DNAH9: variants seen among roughly 807,000 people sequenced by gnomAD.
The protein encoded by DNAH9 is DNAH9 variant protein.
Under a neutral mutation model 471.6 loss-of-function variants are expected in DNAH9, and 345 were observed. That is an observed-to-expected ratio of 0.73 (90% confidence interval 0.67 to 0.80). The LOEUF (loss-of-function observed/expected upper bound fraction) is 0.80, where lower values mean the gene tolerates loss of function less well. Ranked by LOEUF, DNAH9 falls within the 30% of genes least tolerant of loss-of-function variation. The pLI is 0.00. For missense variants in DNAH9, 5,407 were observed against 5,609.2 expected (o/e 0.96, Z 1.15); for synonymous variants, 2,093 against 2,123.6 (o/e 0.99, Z 0.40).
chr17:11,930,106 G>A lies in DNAH9; in HGVS notation c.12105+13G>A, dbSNP rs751249418. 1.2e-5 allele frequency: 20 copies of A among 1,608,272 alleles called. No individual in the cohort carries two copies. The highest frequency in any genetic ancestry group is 1.7e-4 in the Middle Eastern group (1 of 6,052). On this transcript the variant is annotated intron_variant, in intron 63 of 68. Transcript: ENST00000262442. The stretch of plus-strand genomic sequence containing the variant: ...CAACTTCACTCAGGTACGGCCCCGG[G>A]AGGGAGGCAAAAACAGCAGCACACC...
Position 11,635,433 on chromosome 17 carries a change from G to A in DNAH9, c.1636-1201G>A, listed in dbSNP as rs561538043. Among the ~76,000 whole-genome samples the A allele has an allele frequency of 2.9e-4, 43 of 147,146 alleles. 1 individual carries two copies. In the Middle Eastern group the frequency reaches 0.022, roughly 77 times the overall value. On this transcript the variant is annotated intron_variant, in intron 8 of 68. Transcript: ENST00000262442. The stretch of plus-strand genomic sequence containing the variant: ...TGGCCTCAAGTGATGTGCCTGCCTC[G>A]TCCTTCCAAAGTACTGGGATTATAG...
intron 20 of DNAH9, among the ~76,000 whole-genome samples, chr17:11,692,565 A>G (rs974839068): frequency 1.3e-5 from 2 of 152,204 alleles, no homozygotes; most frequent in African/African-American, 4.8e-5. Flanking sequence ...TAGATCCACT[A>G]TCTACTTACG....
chr17:11,761,118 C>T (rs1408592819), intron 35 of DNAH9, among the ~76,000 whole-genome samples: 1 of 152,184 alleles, frequency 6.6e-6, no homozygotes, highest in East Asian at 1.9e-4. Context: ...TTCTCCTGAC[C>T]CTGCATGAGA....
chr17:11,731,777 A>G (rs1176997704), intron 28 of DNAH9, among the ~76,000 whole-genome samples: 2 of 151,844 alleles, frequency 1.3e-5, no homozygotes, highest in Non-Finnish European at 2.9e-5. Context: ...TATGTGCCAC[A>G]TTTTCTTAAT....
intron 52 of DNAH9, among the ~76,000 whole-genome samples, chr17:11,872,685 T>C (rs1052054802): frequency 2.0e-4 from 30 of 151,700 alleles, no homozygotes; most frequent in African/African-American, 7.3e-4. Flanking sequence ...CTTTGGGAGG[T>C]TGAGGCGGGC....
intron 59 of DNAH9, among the ~76,000 whole-genome samples, chr17:11,896,269 T>C (rs548868921): frequency 2.0e-5 from 3 of 152,262 alleles, no homozygotes; most frequent in East Asian, 1.9e-4. Flanking sequence ...GTATATATTT[T>C]ACTTTGGAGG....
rs997120827 is a variant in DNAH9 at position 11,687,527 on chromosome 17, C to G, written c.3744-2039C>G. ...CTTTTTCACTCCTTTTGTATTCTAC[C>G]TACCAACACGCAAACACATGCATGT... is the stretch of plus-strand genomic sequence containing the variant. On this transcript the variant is annotated intron_variant, in intron 19 of 68. Transcript: ENST00000262442. Among the ~76,000 whole-genome samples the G allele has an allele frequency of 3.9e-5, 6 of 152,222 alleles. No individual in the cohort carries two copies. In the South Asian group the frequency reaches 8.3e-4, roughly 21 times the overall value.
rs139504360 is a variant in DNAH9 at position 11,638,979 on chromosome 17, C to T, written c.1787-1291C>T. Among the ~76,000 whole-genome samples the T allele has an allele frequency of 9.4e-3, 1,433 of 152,286 alleles. 11 individuals carry two copies. Among genetic ancestry groups the T allele is most frequent in the Non-Finnish European group, 0.016 (1,089 of 68,024 alleles). On this transcript the variant is annotated intron_variant, in intron 9 of 68. Transcript: ENST00000262442. The stretch of plus-strand genomic sequence containing the variant: ...CTCCATCTTCAAGCCAGCAACAGGA[C>T]GTTAAATCCTCTTATGCATCAAATC...
chr17:11,954,260 T>A (rs2151443800), intron 67 of DNAH9, among the ~76,000 whole-genome samples: 1 of 152,104 alleles, frequency 6.6e-6, no homozygotes, highest in South Asian at 2.1e-4. Flanking sequence ...CCAAAAAAAC[T>A]ATTTGAAGAA....
Position 11,723,748 on chromosome 17 carries a change from A to G in DNAH9, c.5710-4070A>G, listed in dbSNP as rs192004764. The stretch of plus-strand genomic sequence containing the variant: ...AGTGGCACGATCTCAGCTCACTGCA[A>G]GCTCCACCTCCTGGGTTCACGTCAT... On this transcript the variant is annotated intron_variant, in intron 27 of 68. Transcript: ENST00000262442. Among the ~76,000 whole-genome samples, 50 of 152,078 alleles carry G rather than the reference A, an allele frequency of 3.3e-4. No homozygotes were observed. The East Asian group carries it at 9.3e-3, about 28-fold the overall frequency.
Position 11,807,661 on chromosome 17 carries a change from A to G in DNAH9, c.8421-71A>G, listed in dbSNP as rs1969740571. The G allele has an allele frequency of 2.6e-6, 4 of 1,515,194 alleles. No individual in the cohort carries two copies. In the African/African-American group the frequency reaches 5.5e-5, roughly 21 times the overall value. 93.9% of individuals were successfully genotyped at this position (1,515,194 alleles called of 1,614,324 possible). Reference sequence around the variant, plus strand: ...CCAAGGAAGGCCCCTGCTCCCACTCAAGCCTTTATACATGCTTCTGACTGC... The same window carrying G: ...CCAAGGAAGGCCCCTGCTCCCACTCGAGCCTTTATACATGCTTCTGACTGC... On this transcript the variant is annotated intron_variant, in intron 43 of 68. Coordinates refer to ENST00000262442, the MANE Select transcript of DNAH9 (RefSeq NM_001372.4).
chr17:11,937,454 A>G lies in DNAH9; in HGVS notation c.12592A>G (p.Thr4198Ala). The G allele has an allele frequency of 6.2e-7, 1 of 1,614,058 alleles. No homozygotes were observed. Residue 4198 changes from threonine to alanine, a missense_variant, in exon 66 of 69, where the codon ACT becomes GCT. Around this residue, in one of 3 missense-constraint regions of DNAH9, gnomAD observed 4,636 missense variants for 4,900.3 expected, o/e 0.95. Coordinates refer to ENST00000262442, the MANE Select transcript of DNAH9 (RefSeq NM_001372.4). The surrounding 1 kb of genome is among the most constrained non-coding windows in gnomAD (Gnocchi z 4.1). ...CCAAACCTCAGAAAAGCTCTTCCGC[A>G]CTGTGCTGGAGCTGCAGCCTCGGGA... ...LTQTSEKLFR[T>A]VLELQPRDSQ...
At chr17:11,815,317 T>C (rs1970058727) in intron 45 of DNAH9, among the ~76,000 whole-genome samples, 1 of 152,170 alleles carries the variant, frequency 6.6e-6, no homozygotes, top group Non-Finnish European at 1.5e-5. Flanking sequence ...AGATAATCTA[T>C]TGCCACCAAT....
At chr17:11,888,259 A>G (rs1972946591) in intron 57 of DNAH9, among the ~76,000 whole-genome samples, 1 of 152,202 alleles carries the variant, frequency 6.6e-6, no homozygotes, top group African/African-American at 2.4e-5. Flanking sequence ...CTGGGATTAC[A>G]GGCGTGAGCC....
chr17:11,872,699 T>C (rs1972321733), intron 52 of DNAH9, among the ~76,000 whole-genome samples: 1 of 152,088 alleles, frequency 6.6e-6, no homozygotes, highest in African/African-American at 2.4e-5. Flanking sequence ...GGCGGGCGGA[T>C]CACGAGGTCA....
Position 11,905,724 on chromosome 17 carries a change from C to G in DNAH9, c.11664C>G (p.Thr3888=), listed in dbSNP as rs1567890979. 9.9e-6 allele frequency: 16 copies of G among 1,614,080 alleles called. No individual in the cohort carries two copies. The highest frequency in any genetic ancestry group is 1.4e-5 in the Non-Finnish European group (16 of 1,180,002). Reference sequence around the variant, plus strand: ...TGGGAAGAGCCCTAGATTTTGCAACCTCATTTGAAGAATCGGGACCAGCCA... The same window carrying G: ...TGGGAAGAGCCCTAGATTTTGCAACGTCATTTGAAGAATCGGGACCAGCCA... ...YVVGRALDFA[T]SFEESGPATP... The change falls in exon 61 of 69, where the codon ACC becomes ACG. Residue 3888 remains threonine (T), a synonymous_variant. Transcript: ENST00000262442.
intron 17 of DNAH9, among the ~76,000 whole-genome samples, chr17:11,672,215 G>A (rs2073984044): frequency 6.6e-6 from 1 of 152,068 alleles, no homozygotes; most frequent in African/African-American, 2.4e-5. Context: ...ATCTCATTCA[G>A]CTCTTCCTGC....
chr17:11,603,470 C>T (rs2079719), intron 1 of DNAH9, among the ~76,000 whole-genome samples: 35,260 of 152,068 alleles, frequency 0.23, 4,826 homozygotes, highest in East Asian at 0.55. Flanking sequence ...CTTCTGCCAT[C>T]CCATCCGTTG....
intron 19 of DNAH9, 126 bp from the exon 20 acceptor site, chr17:11,689,440 G>A (rs17529845): frequency 0.011 from 8,825 of 788,300 alleles, 75 homozygotes; most frequent in Non-Finnish European, 0.015. Context: ...AATGTTTTTG[G>A]TGAAAGCCAC....
Sources: allele counts gnomAD v4.1 joint callset (sites outside exome capture counted in the v4.1 genomes callset), GRCh38; gene constraint gnomAD v4.1.1; regional missense constraint gnomAD v4.1.1; non-coding constraint Gnocchi (gnomAD v3.1); transcripts MANE v1.5; gene names NCBI Gene and HGNC (gene_info 2026-07-23, HGNC 2026-07-21).